Variants in CNTN4 observed in about 807,000 individuals in gnomAD.
CNTN4 encodes the protein contactin 4.
CNTN4 carries 77 observed loss-of-function variants against 122.5 expected under a neutral mutation model. That is an observed-to-expected ratio of 0.63 (90% CI 0.52 to 0.76). The LOEUF (loss-of-function observed/expected upper bound fraction) is 0.76, where lower values mean the gene tolerates loss of function less well. Ranked by LOEUF, CNTN4 falls within the 30% of genes least tolerant of loss-of-function variation. The pLI is 0.00. For synonymous variants in CNTN4, 512 were observed against 447.0 expected (o/e 1.15, Z -1.83); for missense variants, 1,256 against 1,259.1 (o/e 1.00, Z 0.04).
rs376001044 is a variant in CNTN4, at chr3:2,668,292, G to T, written c.56-67923G>T. ...TTGAGCAGTGGTTTGTAGTTCTCCT[G>T]GAAGAGGTCCTTCACATCCTTTGTA... On this transcript the variant is annotated intron_variant, in intron 4 of 24. Coordinates refer to ENST00000418658, the MANE Select transcript of CNTN4 (RefSeq NM_175607.3). 9.9e-4 allele frequency among the ~76,000 whole-genome samples: 151 copies of T among 152,048 alleles called. 1 individual carries two copies. In the East Asian group the frequency reaches 0.027, roughly 27 times the overall value.
At chr3:2,437,015 C>G (rs1377758388) in intron 3 of CNTN4, among the ~76,000 whole-genome samples, 2 of 151,688 alleles carry the variant, frequency 1.3e-5, no homozygotes, top group Non-Finnish European at 2.9e-5. Context: ...GAATGGTGGA[C>G]TTGGAGTTTA....
intron 4 of CNTN4, among the ~76,000 whole-genome samples, chr3:2,612,213 A>C (rs867258097): frequency 6.6e-6 from 1 of 152,116 alleles, no homozygotes; most frequent in African/African-American, 2.4e-5. Flanking sequence ...AAAATATAGT[A>C]AGTCAAAAAT....
At chr3:2,569,536 A>G (rs1029022482) in intron 3 of CNTN4, among the ~76,000 whole-genome samples, 2 of 152,182 alleles carry the variant, frequency 1.3e-5, no homozygotes, top group Non-Finnish European at 2.9e-5. Context: ...ATATAAATGT[A>G]ATATATTTTT....
chr3:2,662,874 C>A (rs1576378998), intron 4 of CNTN4, among the ~76,000 whole-genome samples: 1 of 152,224 alleles, frequency 6.6e-6, no homozygotes, highest in East Asian at 1.9e-4. Context: ...GGGTGGATCA[C>A]TTGAGATCAG....
At chr3:2,328,393 G>A (rs1145034) in intron 2 of CNTN4, among the ~76,000 whole-genome samples, 5 of 150,562 alleles carry the variant, frequency 3.3e-5, no homozygotes, top group African/African-American at 7.3e-5. Context: ...GCGACAGAGC[G>A]AGACTCCGTC....
chr3:2,291,546 C>G (rs1559419957), intron 2 of CNTN4, among the ~76,000 whole-genome samples: 1 of 151,962 alleles, frequency 6.6e-6, no homozygotes, highest in African/African-American at 2.4e-5. Flanking sequence ...TGAATGCATG[C>G]TAGCTTTTTT....
intron 2 of CNTN4, among the ~76,000 whole-genome samples, chr3:2,304,969 A>G (rs757135192): frequency 7.2e-5 from 11 of 151,890 alleles, no homozygotes; most frequent in Non-Finnish European, 1.2e-4. Flanking sequence ...TAAGGGCAAA[A>G]CTGAGATTCT....
chr3:2,377,770 T>G (rs2045874824), intron 3 of CNTN4, among the ~76,000 whole-genome samples: 3 of 111,628 alleles, frequency 2.7e-5, no homozygotes, highest in African/African-American at 1.1e-4. Context: ...GATTTTTTTG[T>G]GATTATTTTT....
intron 2 of CNTN4, among the ~76,000 whole-genome samples, chr3:2,289,867 T>G (rs2149985248): frequency 6.6e-6 from 1 of 152,310 alleles, no homozygotes; most frequent in Non-Finnish European, 1.5e-5. Context: ...TAAAAATATT[T>G]TATCATGAAG....
At chr3:2,261,964 C>T (rs998602971) in intron 2 of CNTN4, among the ~76,000 whole-genome samples, 1 of 152,160 alleles carries the variant, frequency 6.6e-6, no homozygotes, top group Non-Finnish European at 1.5e-5. Context: ...TTGCAACTTG[C>T]CTCACAAATC....
chr3:2,987,036 A>G (rs1412804797), intron 13 of CNTN4, among the ~76,000 whole-genome samples: 1 of 152,246 alleles, frequency 6.6e-6, no homozygotes, highest in Non-Finnish European at 1.5e-5. Flanking sequence ...GGAGAGATCT[A>G]TCAGGAAAAG....
At chr3:2,519,035 T>C (rs1318814635) in intron 3 of CNTN4, among the ~76,000 whole-genome samples, 1 of 152,144 alleles carries the variant, frequency 6.6e-6, no homozygotes, top group Admixed American at 6.6e-5. Flanking sequence ...GATCTGTTTG[T>C]ACAGAATACC....
intron 3 of CNTN4, among the ~76,000 whole-genome samples, chr3:2,368,341 G>C (rs902333689): frequency 6.6e-6 from 1 of 151,880 alleles, no homozygotes. Flanking sequence ...CTCTTTTTTT[G>C]TTTTAACCTC....
At chr3:2,159,316 C>G (rs768920885) in intron 2 of CNTN4, among the ~76,000 whole-genome samples, 1 of 152,182 alleles carries the variant, frequency 6.6e-6, no homozygotes, top group African/African-American at 2.4e-5. Context: ...GTGCCCCAAA[C>G]TCTTCCTTAT....
At chr3:2,803,345 A>G (rs2092391463) in intron 6 of CNTN4, among the ~76,000 whole-genome samples, 1 of 152,228 alleles carries the variant, frequency 6.6e-6, no homozygotes, top group African/African-American at 2.4e-5. Flanking sequence ...GCCATTTTAG[A>G]AAACAGATTG....
chr3:2,835,244 A>G (rs193136160), intron 7 of CNTN4, among the ~76,000 whole-genome samples: 2 of 152,190 alleles, frequency 1.3e-5, no homozygotes, highest in East Asian at 1.9e-4. Context: ...ACAAACCACA[A>G]TGAAGACATT....
At chr3:2,854,268 C>CTTTTTTTTTTTTT (rs56147510) in intron 7 of CNTN4, among the ~76,000 whole-genome samples, 8 of 90,050 alleles carry the variant, frequency 8.9e-5, no homozygotes, top group Admixed American at 1.5e-4. Flanking sequence ...CTTTCTTCTT[C>CTTTTTTTTTTTTT]TTTTTTTTTT....
At chr3:2,364,791 A>G (rs764449854) in intron 3 of CNTN4, among the ~76,000 whole-genome samples, 3 of 152,160 alleles carry the variant, frequency 2.0e-5, no homozygotes, top group Non-Finnish European at 4.4e-5. Flanking sequence ...AAAACATTCT[A>G]TTGTTAAAAA....
intron 2 of CNTN4, among the ~76,000 whole-genome samples, chr3:2,201,985 G>A (rs1252098752): frequency 1.3e-5 from 2 of 151,928 alleles, no homozygotes; most frequent in East Asian, 3.9e-4. Context: ...TATTAAAAAG[G>A]CTTAAATCTT....
Sources: gnomAD v4.1 joint callset for allele counts (sites outside exome capture counted in the v4.1 genomes callset) on GRCh38, gnomAD v4.1.1 for gene constraint, MANE v1.5 for transcripts, NCBI Gene and HGNC (gene_info 2026-07-23, HGNC 2026-07-21) for gene names.